Variants in PLCG2 observed in about 807,000 individuals in gnomAD.
PLCG2 encodes the protein phospholipase C gamma 2, also known as 1-phosphatidylinositol 4,5-bisphosphate phosphodiesterase gamma-2.
A neutral mutation model predicts 175.6 loss-of-function variants in PLCG2; 69 were observed. The ratio of observed to expected loss-of-function variants is 0.39; its 90% CI spans 0.32 to 0.48. PLCG2 has a LOEUF of 0.48. Ranked by LOEUF, PLCG2 falls within the 20% of genes least tolerant of loss-of-function variation. The pLI is 0.91. For synonymous variants in PLCG2, 827 were observed against 624.0 expected (o/e 1.33, Z -4.85); for missense variants, 1,798 against 1,650.9 (o/e 1.09, Z -1.54).
chr16:81,742,158 G>A (rs868823487), intron 1 of PLCG2, among the ~76,000 whole-genome samples: 3 of 143,058 alleles, frequency 2.1e-5, no homozygotes, highest in Non-Finnish European at 4.6e-5. Context: ...TGGGGGCGGG[G>A]GGGGGGGCGG....
Position 81,961,370 on chromosome 16 carries a change from A to C in PLCG2, c.*3372A>C, listed in dbSNP as rs568677472. The C allele has an allele frequency of 7.1e-5, 16 of 226,392 alleles. No individual in the cohort carries two copies. The South Asian group carries it at 1.5e-3, about 21-fold the overall frequency. The allele number at this position is 226,392 out of a possible 1,614,324, so 14.0% of individuals were successfully genotyped here. A position where few individuals can be genotyped will look rare whatever the true frequency, so the allele number is the denominator to read the frequency against. On this transcript the variant is annotated 3_prime_UTR_variant, in exon 33 of 33. Transcript: ENST00000564138. Reference sequence around the variant, plus strand: ...GGAGAAAAGCCCTCTTTATCTCATTAAGTGATACATTTCCAAAGAAGTTTT... The same window carrying C: ...GGAGAAAAGCCCTCTTTATCTCATTCAGTGATACATTTCCAAAGAAGTTTT...
At chr16:81,884,042 C>A (rs373883495) in intron 9 of PLCG2, among the ~76,000 whole-genome samples, 2 of 152,196 alleles carry the variant, frequency 1.3e-5, no homozygotes, top group Admixed American at 6.5e-5. Flanking sequence ...GGCAGCCCCC[C>A]CTACCCCCCA....
intron 1 of PLCG2, among the ~76,000 whole-genome samples, chr16:81,746,523 C>A (rs1909710994): frequency 6.6e-6 from 1 of 152,178 alleles, no homozygotes; most frequent in Non-Finnish European, 1.5e-5. Context: ...GGGCTCTCAC[C>A]CCAGCGCCGG....
Position 81,878,008 on chromosome 16 carries a change from G to A in PLCG2, c.649-2902G>A, listed in dbSNP as rs1406761451. On this transcript the variant is annotated intron_variant, in intron 7 of 32. Coordinates refer to ENST00000564138, the MANE Select transcript of PLCG2 (RefSeq NM_002661.5). ...TTTTTTTTTTTTTTTTTGAGAGGGAGTCTCGCTCTGTCACCCAGGCTGGAG... is the reference window on the plus strand; with the variant it reads ...TTTTTTTTTTTTTTTTTGAGAGGGAATCTCGCTCTGTCACCCAGGCTGGAG... 6.1e-5 allele frequency among the ~76,000 whole-genome samples: 7 copies of A among 114,642 alleles called. 1 individual carries two copies. The highest frequency in any genetic ancestry group is 2.5e-4 in the African/African-American group (7 of 28,426). 75.2% of individuals were successfully genotyped at this position (114,642 alleles called of 152,430 possible).
intron 2 of PLCG2, among the ~76,000 whole-genome samples, chr16:81,759,816 T>G (rs1910000731): frequency 6.6e-6 from 1 of 152,234 alleles, no homozygotes; most frequent in African/African-American, 2.4e-5. Flanking sequence ...TCTGCTGAGT[T>G]TTCTTTCTAT....
intron 21 of PLCG2, 57 bp from the exon 22 acceptor site, chr16:81,923,428 C>A (rs551217821): frequency 1.3e-5 from 14 of 1,067,620 alleles, no homozygotes; most frequent in Admixed American, 1.9e-5. Context: ...GGAACGCAGC[C>A]GCCTCCCTCC....
At chr16:81,880,974 C>T (rs755476142) in intron 8 of PLCG2, 21 bp downstream of exon 8, 68 of 1,613,226 alleles carry the variant, frequency 4.2e-5, no homozygotes, top group South Asian at 5.5e-5. Flanking sequence ...TCTTGTGTGT[C>T]GTTCGGGGCG....
At chr16:81,956,613 C>T in intron 31 of PLCG2, 82 bp from the exon 32 acceptor site, 4 of 1,280,162 alleles carry the variant, frequency 3.1e-6, no homozygotes, top group Non-Finnish European at 4.4e-6. Context: ...TCCCTTTGGG[C>T]ATGCTTGTGA....
At chr16:81,891,099 G>T (rs1362956150) in intron 10 of PLCG2, among the ~76,000 whole-genome samples, 1 of 152,132 alleles carries the variant, frequency 6.6e-6, no homozygotes, top group African/African-American at 2.4e-5. Context: ...GGAGGTGGAG[G>T]TTGCAGTGAG....
intron 3 of PLCG2, among the ~76,000 whole-genome samples, chr16:81,856,555 A>T (rs1906692432): frequency 6.6e-6 from 1 of 152,160 alleles, no homozygotes; most frequent in Admixed American, 6.5e-5. Flanking sequence ...GAAGCAGGGG[A>T]GATACTGACA....
intron 2 of PLCG2, among the ~76,000 whole-genome samples, chr16:81,848,356 A>C (rs1400879121): frequency 6.6e-6 from 1 of 152,172 alleles, no homozygotes; most frequent in Non-Finnish European, 1.5e-5. Context: ...TTCCTGGGGC[A>C]GGGCTGGCTT....
At chr16:81,894,148 G>C (rs1488672088) in intron 12 of PLCG2, among the ~76,000 whole-genome samples, 1 of 152,052 alleles carries the variant, frequency 6.6e-6, no homozygotes, top group Non-Finnish European at 1.5e-5. Flanking sequence ...AATGGTCAGG[G>C]CTGGATATGG....
At chr16:81,914,874 C>T (rs1909775578) in intron 19 of PLCG2, among the ~76,000 whole-genome samples, 1 of 152,216 alleles carries the variant, frequency 6.6e-6, no homozygotes, top group African/African-American at 2.4e-5. Flanking sequence ...GAAGCTCAGT[C>T]CACACAGTGT....
intron 2 of PLCG2, among the ~76,000 whole-genome samples, chr16:81,848,557 C>T (rs893887411): frequency 6.6e-6 from 1 of 152,184 alleles, no homozygotes; most frequent in Non-Finnish European, 1.5e-5. Context: ...TACCTGGTCT[C>T]TCTGTCCCTC....
rs1910962934 is a variant in PLCG2 at position 81,786,173 on chromosome 16, G to A, written c.184G>A (p.Glu62Lys). ...VAWSKTADKI[E>K]GFLDIMEIKE... is the part of the protein sequence containing the mutation. ...CTGGAGCAAGACCGCTGACAAGATC[G>A]AGGGCTTCTGTGAGTACTCGCTGGG... The change falls in exon 2 of 33, where the codon GAG becomes AAG. Residue 62 changes from glutamate (E) to lysine (K), a missense_variant. Physicochemically the swap from Glu to Lys is moderately conservative, Grantham distance 56 (BLOSUM62 1). Coordinates refer to ENST00000564138, the MANE Select transcript of PLCG2 (RefSeq NM_002661.5). 6.2e-6 allele frequency: 10 copies of A among 1,613,866 alleles called. No homozygotes were observed. The highest frequency in any genetic ancestry group is 1.3e-5 in the African/African-American group (1 of 75,060).
rs60183943 is a variant in PLCG2, at chr16:81,844,143, ATTTTTTTT to A, written c.194-10285_194-10278del. 1.1e-3 allele frequency among the ~76,000 whole-genome samples: 99 copies of A among 93,922 alleles called. No individual in the cohort carries two copies. The Middle Eastern group carries it at 0.022, about 21-fold the overall frequency. The allele number at this position is 93,922 out of a possible 152,430, so 61.6% of individuals were successfully genotyped here. On this transcript the variant is annotated intron_variant, in intron 2 of 32. Coordinates refer to ENST00000564138, the MANE Select transcript of PLCG2 (RefSeq NM_002661.5). ...AGGTGCCCGCCACCACACCCGGCTG[ATTTTTTTT>A]TTTTTTTTTTTTTTTGGTATTTTTA...
chr16:81,775,607 G>A (rs1910381548), upstream of PLCG2, among the ~76,000 whole-genome samples: 1 of 152,170 alleles, frequency 6.6e-6, no homozygotes, highest in Non-Finnish European at 1.5e-5. Flanking sequence ...TACCCAGAGA[G>A]GCTAATGGTC....
intron 7 of PLCG2, among the ~76,000 whole-genome samples, chr16:81,877,009 G>T (rs960810561): frequency 5.9e-5 from 9 of 152,178 alleles, no homozygotes; most frequent in Admixed American, 3.3e-4. Context: ...GCCTCCCTGG[G>T]CCTGTTTCTT....
chr16:81,894,098 T>C (rs992955412), intron 12 of PLCG2, among the ~76,000 whole-genome samples: 3 of 151,926 alleles, frequency 2.0e-5, no homozygotes, highest in African/African-American at 4.8e-5. Flanking sequence ...AGGTACCGCG[T>C]ATCACCTGGA....
Sources: gnomAD v4.1 joint callset for allele counts (sites outside exome capture counted in the v4.1 genomes callset) on GRCh38, gnomAD v4.1.1 for gene constraint, MANE v1.5 for transcripts, NCBI Gene and HGNC (gene_info 2026-07-23, HGNC 2026-07-21) for gene names.